Variants in CNTN5 observed in about 807,000 individuals in gnomAD.
CNTN5 encodes the protein contactin-5.
A neutral mutation model predicts 129.1 loss-of-function variants in CNTN5; 77 were observed. The ratio of observed to expected loss-of-function variants is 0.60; its 90% confidence interval spans 0.50 to 0.72. CNTN5 has a LOEUF of 0.72. Ranked by LOEUF, CNTN5 falls within the 30% of genes least tolerant of loss-of-function variation. CNTN5 has a pLI of 0.00. For missense variants in CNTN5, 1,478 were observed against 1,328.8 expected (o/e 1.11, Z -1.75); for synonymous variants, 509 against 465.6 (o/e 1.09, Z -1.20).
At chr11:100,275,035 A>AG (rs1950478915) in intron 18 of CNTN5, among the ~76,000 whole-genome samples, 2 of 152,218 alleles carry the variant, frequency 1.3e-5, no homozygotes, top group African/African-American at 4.8e-5. Context: ...AAATTATCAC[A>AG]TTAAAAGTAA....
intron 2 of CNTN5, among the ~76,000 whole-genome samples, chr11:99,513,314 C>T (rs1451441776): frequency 6.6e-6 from 1 of 152,102 alleles, no homozygotes; most frequent in African/African-American, 2.4e-5. Context: ...TTTTCCATAA[C>T]AAAGTGCACG....
At chr11:99,761,900 A>G (rs1944594454) in intron 3 of CNTN5, among the ~76,000 whole-genome samples, 1 of 102,680 alleles carries the variant, frequency 9.7e-6, no homozygotes, top group South Asian at 3.6e-4. Flanking sequence ...AAGTGTTCCT[A>G]TTTCTCCACA....
At chr11:100,317,720 A>G (rs940451294) in intron 21 of CNTN5, among the ~76,000 whole-genome samples, 11 of 152,210 alleles carry the variant, frequency 7.2e-5, no homozygotes, top group African/African-American at 2.7e-4. Flanking sequence ...ACACAACTCT[A>G]TAATTTTTAT....
chr11:99,513,935 T>G (rs1361800145), intron 2 of CNTN5, among the ~76,000 whole-genome samples: 1 of 152,108 alleles, frequency 6.6e-6, no homozygotes, highest in Non-Finnish European at 1.5e-5. Flanking sequence ...AAAGCTATTA[T>G]GACCATAGTG....
At chr11:100,022,263 A>G (rs1407788043) in intron 9 of CNTN5, among the ~76,000 whole-genome samples, 2 of 152,212 alleles carry the variant, frequency 1.3e-5, no homozygotes, top group African/African-American at 2.4e-5. Context: ...CATATTTAAA[A>G]TAGATTTCTT....
At chr11:99,689,529 A>AG (rs1491444132) in intron 3 of CNTN5, among the ~76,000 whole-genome samples, 2 of 128,950 alleles carry the variant, frequency 1.6e-5, no homozygotes, top group African/African-American at 5.7e-5. Flanking sequence ...TCCTCAAAAA[A>AG]GAAAAAAAAA....
At chr11:99,872,819 C>A (rs1381761923) in intron 6 of CNTN5, among the ~76,000 whole-genome samples, 4 of 152,026 alleles carry the variant, frequency 2.6e-5, no homozygotes, top group Non-Finnish European at 5.9e-5. Context: ...GACATACTGT[C>A]CTTAATAGCA....
At chr11:100,193,995 T>C (rs890845723) in intron 15 of CNTN5, among the ~76,000 whole-genome samples, 4 of 152,076 alleles carry the variant, frequency 2.6e-5, no homozygotes, top group African/African-American at 7.2e-5. Flanking sequence ...ACAGTAATTA[T>C]GATAAAATAA....
chr11:99,338,520 G>A (rs1866340737), intron 2 of CNTN5, among the ~76,000 whole-genome samples: 1 of 152,040 alleles, frequency 6.6e-6, no homozygotes, highest in Non-Finnish European at 1.5e-5. Context: ...TTTTGTTGCT[G>A]TTTAATTTTA....
intron 16 of CNTN5, among the ~76,000 whole-genome samples, chr11:100,225,818 C>A (rs1181335516): frequency 2.6e-5 from 4 of 152,006 alleles, no homozygotes; most frequent in Admixed American, 1.3e-4. Context: ...ATTAACTGGT[C>A]TTTTATTCAT....
chr11:99,632,061 T>A (rs1303332376), intron 3 of CNTN5, among the ~76,000 whole-genome samples: 1 of 152,084 alleles, frequency 6.6e-6, no homozygotes, highest in Non-Finnish European at 1.5e-5. Context: ...GTTTGGTGCA[T>A]CCATGGTTTC....
intron 6 of CNTN5, among the ~76,000 whole-genome samples, chr11:99,907,979 T>C (rs187834897): frequency 6.6e-6 from 1 of 152,240 alleles, no homozygotes; most frequent in African/African-American, 2.4e-5. Flanking sequence ...ATAGGTAATA[T>C]AAAATTACAC....
chr11:99,288,418 G>A (rs1864032910), intron 1 of CNTN5, among the ~76,000 whole-genome samples: 1 of 151,874 alleles, frequency 6.6e-6, no homozygotes, highest in African/African-American at 2.4e-5. Context: ...TTAAAAGAAT[G>A]TAGTAATTTA....
chr11:100,344,807 A>G (rs1260906294), intron 23 of CNTN5, among the ~76,000 whole-genome samples: 3 of 152,148 alleles, frequency 2.0e-5, no homozygotes, highest in East Asian at 3.9e-4. Flanking sequence ...TAAATGATAT[A>G]AAGGAATAAT....
At chr11:99,045,074 G>A (rs955959660) in intron 1 of CNTN5, among the ~76,000 whole-genome samples, 9 of 152,158 alleles carry the variant, frequency 5.9e-5, no homozygotes, top group Admixed American at 3.9e-4. Context: ...CACTAAATAA[G>A]TATTAGTAAT....
At chr11:99,134,186 A>C (rs7110495) in intron 1 of CNTN5, among the ~76,000 whole-genome samples, 1 of 151,906 alleles carries the variant, frequency 6.6e-6, no homozygotes, top group Non-Finnish European at 1.5e-5. Flanking sequence ...CTCACTTCTA[A>C]GTGGGAGCTG....
At chr11:99,373,711 CAAAAAAA>C (rs57363059) in intron 2 of CNTN5, among the ~76,000 whole-genome samples, 1 of 96,000 alleles carries the variant, frequency 1.0e-5, no homozygotes, top group Admixed American at 1.3e-4. Flanking sequence ...AACTCCGTCT[CAAAAAAA>C]AAAAAAAAAA....
At chr11:100,310,845 T>C (rs529968979) in intron 21 of CNTN5, among the ~76,000 whole-genome samples, 2 of 151,980 alleles carry the variant, frequency 1.3e-5, no homozygotes, top group East Asian at 3.9e-4. Context: ...CTGGACTTCT[T>C]CAAAGAATAG....
chr11:100,245,956 G>A (rs2138695419), intron 16 of CNTN5, among the ~76,000 whole-genome samples: 1 of 152,046 alleles, frequency 6.6e-6, no homozygotes, highest in Middle Eastern at 3.4e-3. Flanking sequence ...TGATAGATGA[G>A]CATTAAGTCA....
Sources: gnomAD v4.1 joint callset for allele counts (sites outside exome capture counted in the v4.1 genomes callset) on GRCh38, gnomAD v4.1.1 for gene constraint, MANE v1.5 for transcripts, NCBI Gene and HGNC (gene_info 2026-07-23, HGNC 2026-07-21) for gene names.